PEMT: variants seen among roughly 807,000 people sequenced by gnomAD.
PEMT encodes the protein phosphatidylethanolamine N-methyltransferase, also known as phospholipid methyltransferase.
Under a neutral mutation model 27.4 loss-of-function variants are expected in PEMT, and 23 were observed. The ratio of observed to expected loss-of-function variants is 0.84; its 90% CI spans 0.60 to 1.19. The LOEUF (loss-of-function observed/expected upper bound fraction) is 1.19, where lower values mean the gene tolerates loss of function less well. Ranked by LOEUF, PEMT falls within the 50% of genes most tolerant of loss-of-function variation. The pLI is 0.00. For missense variants in PEMT, 307 were observed against 310.1 expected, an observed-to-expected ratio of 0.99 and a Z score of 0.07; for synonymous variants, 137 against 139.1, an observed-to-expected ratio of 0.98 and a Z score of 0.11.
chr17:17,585,162 AC>A (rs1261100996), intron 1 of PEMT, among the ~76,000 whole-genome samples: 2 of 152,048 alleles, frequency 1.3e-5, no homozygotes. Context: ...ATATGGTGAA[AC>A]CCCGTCTCCA....
intron 2 of PEMT, among the ~76,000 whole-genome samples, chr17:17,566,912 G>C (rs1332569163): frequency 6.6e-6 from 1 of 152,178 alleles, no homozygotes; most frequent in African/African-American, 2.4e-5. Context: ...AAGGCAGCCT[G>C]GGTCCCCTGC....
At chr17:17,536,144 C>T (rs750546) in intron 2 of PEMT, among the ~76,000 whole-genome samples, 73,810 of 152,182 alleles carry the variant, frequency 0.49, 18,182 homozygotes, top group Non-Finnish European at 0.53. Context: ...GACACTGGCA[C>T]AGGGCCTGCT....
chr17:17,560,147 C>T (rs1910370115), intron 2 of PEMT, among the ~76,000 whole-genome samples: 1 of 152,260 alleles, frequency 6.6e-6, no homozygotes, highest in Non-Finnish European at 1.5e-5. Flanking sequence ...TTGACCATCA[C>T]ATGGTCAAGG....
At chr17:17,510,545 G>A (rs1375162363) in intron 4 of PEMT, among the ~76,000 whole-genome samples, 1 of 152,208 alleles carries the variant, frequency 6.6e-6, no homozygotes, top group Non-Finnish European at 1.5e-5. Context: ...CCACTGGAAA[G>A]TTCTTTCTTC....
intron 2 of PEMT, among the ~76,000 whole-genome samples, chr17:17,559,881 C>T (rs780527844): frequency 3.5e-4 from 54 of 152,246 alleles, no homozygotes; most frequent in Non-Finnish European, 5.9e-5. Flanking sequence ...AGCCCCGCTG[C>T]ACGGCTGCGA....
intron 2 of PEMT, among the ~76,000 whole-genome samples, chr17:17,560,921 C>G (rs547857991): frequency 3.3e-5 from 5 of 151,956 alleles, no homozygotes; most frequent in Non-Finnish European, 7.4e-5. Context: ...AACCAACCAT[C>G]CCCTGGGCCC....
chr17:17,536,631 CT>C (rs1908493759), intron 2 of PEMT, among the ~76,000 whole-genome samples: 1 of 152,222 alleles, frequency 6.6e-6, no homozygotes, highest in Non-Finnish European at 1.5e-5. Context: ...TGGCTGGCTC[CT>C]GTGGGTTTGA....
At chr17:17,530,081 A>G (rs1377112766) in intron 2 of PEMT, among the ~76,000 whole-genome samples, 3 of 152,248 alleles carry the variant, frequency 2.0e-5, no homozygotes, top group African/African-American at 7.2e-5. Context: ...AAAAAGCAAC[A>G]GGGGAAGGAC....
At chr17:17,584,360 C>T (rs1316902081) in intron 1 of PEMT, among the ~76,000 whole-genome samples, 2 of 152,144 alleles carry the variant, frequency 1.3e-5, no homozygotes, top group African/African-American at 4.8e-5. Flanking sequence ...AGGGTTTCAC[C>T]GTGTTAGCCA....
chr17:17,580,541 G>A (rs560420539), intron 1 of PEMT, among the ~76,000 whole-genome samples: 2 of 152,116 alleles, frequency 1.3e-5, no homozygotes, highest in African/African-American at 4.8e-5. Context: ...ACAGCCTGGT[G>A]GGGGGAGGGT....
chr17:17,506,188 C>T (rs754209079), intron 6 of PEMT, 39 bp downstream of exon 6: 49 of 1,448,214 alleles, frequency 3.4e-5, no homozygotes, highest in South Asian at 4.9e-5. Context: ...CAGGGCCAGT[C>T]GGGCAGCCAC....
At position 17,505,596 on chromosome 17, in the gene PEMT, A is replaced by C; in HGVS notation, c.*195T>G. On this transcript the variant is annotated 3_prime_UTR_variant, in exon 7 of 7. Transcript: ENST00000255389. The stretch of plus-strand genomic sequence containing the variant: ...AGGGTGCCTTTATTGGTGAATGGGA[A>C]TGTGTGGGTTGGAGCTCAATGGCCA... The C allele has an allele frequency of 6.7e-6, 3 of 450,020 alleles. No homozygotes were observed. Among genetic ancestry groups the C allele is most frequent in the Non-Finnish European group, 7.6e-6 (2 of 262,822 alleles). 27.9% of individuals were successfully genotyped at this position (450,020 alleles called of 1,614,324 possible).
chr17:17,550,076 G>A (rs1909540440), intron 2 of PEMT, among the ~76,000 whole-genome samples: 1 of 152,166 alleles, frequency 6.6e-6, no homozygotes, highest in South Asian at 2.1e-4. Context: ...GATAGCGGGG[G>A]GGATCAGCAG....
chr17:17,588,180 C>A (rs1459898501), intron 1 of PEMT, among the ~76,000 whole-genome samples: 1 of 152,198 alleles, frequency 6.6e-6, no homozygotes, highest in Non-Finnish European at 1.5e-5. Context: ...TCTGTCTTGG[C>A]TGATGCCAAA....
At chr17:17,590,615 T>C (rs977583770) in intron 1 of PEMT, among the ~76,000 whole-genome samples, 1 of 152,232 alleles carries the variant, frequency 6.6e-6, no homozygotes, top group Non-Finnish European at 1.5e-5. Context: ...CAGCCGGCCC[T>C]GAATCAATAC....
intron 2 of PEMT, among the ~76,000 whole-genome samples, chr17:17,562,818 A>G (rs1391238004): frequency 6.6e-6 from 1 of 152,014 alleles, no homozygotes; most frequent in Non-Finnish European, 1.5e-5. Context: ...CAAGAAAAAA[A>G]AAGAGAGAGA....
chr17:17,554,698 C>A lies in PEMT; in HGVS notation c.204+22222G>T, dbSNP rs187581413. On this transcript the variant is annotated intron_variant, in intron 2 of 6. Transcript: ENST00000255389. ...TGACAGGATCTTGGCTCACTACAAC[C>A]TCTGCCTCCCGGCTTCAAGCAGTTC... Among the ~76,000 whole-genome samples the A allele has an allele frequency of 6.2e-4, 94 of 152,302 alleles. 1 individual carries two copies. The highest frequency in any genetic ancestry group is 7.7e-4 in the East Asian group (4 of 5,178).
At chr17:17,537,180 G>A (rs1037278060) in intron 2 of PEMT, among the ~76,000 whole-genome samples, 19 of 152,232 alleles carry the variant, frequency 1.2e-4, no homozygotes, top group African/African-American at 4.3e-4. Context: ...ATGTGGGGCT[G>A]CTGCTGCCCT....
chr17:17,520,123 G>A (rs187655845), intron 3 of PEMT, among the ~76,000 whole-genome samples: 78 of 152,308 alleles, frequency 5.1e-4, no homozygotes, highest in African/African-American at 1.8e-3. Flanking sequence ...AGCTCTGAGC[G>A]TTCAGTCGGC....
Sources: allele counts gnomAD v4.1 joint callset (sites outside exome capture counted in the v4.1 genomes callset), GRCh38; gene constraint gnomAD v4.1.1; transcripts MANE v1.5; gene names NCBI Gene and HGNC (gene_info 2026-07-23, HGNC 2026-07-21).